MRAP2: variants seen among roughly 807,000 people sequenced by gnomAD.
MRAP2 encodes the protein melanocortin-2 receptor accessory protein 2.
MRAP2 carries 20 observed loss-of-function variants against 17.4 expected under a neutral mutation model. That is an observed-to-expected ratio of 1.15 (90% confidence interval 0.81 to 1.67). The LOEUF (loss-of-function observed/expected upper bound fraction) is 1.67. Ranked by LOEUF, MRAP2 falls within the 40% of genes most tolerant of loss-of-function variation. The pLI, the probability that MRAP2 is intolerant of heterozygous loss-of-function variation, is 0.00. For synonymous variants in MRAP2, 96 were observed against 88.4 expected (o/e 1.09, Z -0.48); for missense variants, 238 against 240.0 (o/e 0.99, Z 0.05).
the MRAP2 span, among the ~76,000 whole-genome samples, chr6:84,103,730 C>T: frequency 1.1e-4 from 16 of 152,190 alleles, no homozygotes; most frequent in African/African-American, 3.6e-4. Flanking sequence ...TTTCTATTAT[C>T]TGTCCTCTGT....
the MRAP2 span, among the ~76,000 whole-genome samples, chr6:84,143,917 T>C: frequency 6.6e-6 from 1 of 152,006 alleles, no homozygotes; most frequent in Non-Finnish European, 1.5e-5. Context: ...TCTCTATCAG[T>C]TCTTTGATTA....
intron 1 of MRAP2, among the ~76,000 whole-genome samples, chr6:84,048,971 C>A (rs2129161821): frequency 6.6e-6 from 1 of 152,300 alleles, no homozygotes; most frequent in South Asian, 2.1e-4. Flanking sequence ...GCAGTCGCAT[C>A]TCAGGGCCAT....
At chr6:84,056,214 TA>T (rs2099491678) in intron 2 of MRAP2, among the ~76,000 whole-genome samples, 1 of 152,240 alleles carries the variant, frequency 6.6e-6, no homozygotes, top group South Asian at 2.1e-4. Context: ...GTAAAATTTT[TA>T]TGCTCTTAAC....
chr6:84,047,766 C>T (rs769404537), intron 1 of MRAP2, among the ~76,000 whole-genome samples: 34 of 152,084 alleles, frequency 2.2e-4, no homozygotes, highest in Non-Finnish European at 3.8e-4. Flanking sequence ...TGGTTTTTGC[C>T]GTTAAAAGTA....
chr6:84,063,877 C>G (rs58069993), intron 3 of MRAP2, among the ~76,000 whole-genome samples: 1 of 151,808 alleles, frequency 6.6e-6, no homozygotes, highest in African/African-American at 2.4e-5. Context: ...AACCCCGTCT[C>G]TATTAAAAAT....
At position 84,062,768 on chromosome 6, in the gene MRAP2, C is replaced by T. The variant is rs569226296; in HGVS notation, c.128-125C>T. The T allele has an allele frequency of 3.3e-5, 50 of 1,496,226 alleles. 1 individual carries two copies. The highest frequency in any genetic ancestry group is 3.0e-4 in the East Asian group (12 of 39,496). 92.7% of individuals were successfully genotyped at this position (1,496,226 alleles called of 1,614,324 possible). ...CATCTTATCAGTCTCCAGCCAACTG[C>T]GGATCAGACTGTTGACTTCCTTTCA... On this transcript the variant is annotated intron_variant, in intron 2 of 3. Transcript: ENST00000257776.
chr6:84,132,555 T>C, the MRAP2 span, among the ~76,000 whole-genome samples: 6,677 of 152,242 alleles, frequency 0.044, 469 homozygotes, highest in African/African-American at 0.15. Context: ...TTTACTCTTT[T>C]TTCTCTAAAC....
chr6:84,113,843 A>C, the MRAP2 span, among the ~76,000 whole-genome samples: 1 of 152,180 alleles, frequency 6.6e-6, no homozygotes, highest in East Asian at 1.9e-4. Context: ...TTCACTTTTG[A>C]AGCTTAATTT....
the MRAP2 span, among the ~76,000 whole-genome samples, chr6:84,098,787 T>C: frequency 8.2e-4 from 125 of 152,284 alleles, no homozygotes; most frequent in African/African-American, 2.6e-3. Context: ...TTTGTCCCAT[T>C]GTTTTATTAG....
intron 1 of MRAP2, among the ~76,000 whole-genome samples, chr6:84,047,846 G>C (rs970830380): frequency 6.6e-6 from 1 of 152,154 alleles, no homozygotes; most frequent in Non-Finnish European, 1.5e-5. Flanking sequence ...GCTATTCTAG[G>C]TACCCTCATA....
intron 1 of MRAP2, among the ~76,000 whole-genome samples, chr6:84,043,313 A>G (rs1327243106): frequency 6.6e-6 from 1 of 152,208 alleles, no homozygotes; most frequent in Admixed American, 6.5e-5. Context: ...AGTCTGATGT[A>G]TACTTTCTTG....
the MRAP2 span, among the ~76,000 whole-genome samples, chr6:84,109,523 G>C: frequency 1.3e-5 from 2 of 152,010 alleles, no homozygotes; most frequent in Non-Finnish European, 2.9e-5. Flanking sequence ...CATTGATTTT[G>C]TATACCGAAG....
At chr6:84,086,352 T>A (rs138310506) in intron 3 of MRAP2, among the ~76,000 whole-genome samples, 1 of 152,218 alleles carries the variant, frequency 6.6e-6, no homozygotes, top group African/African-American at 2.4e-5. Flanking sequence ...AAGTATTTTT[T>A]TGTGCAAGGT....
At chr6:84,104,402 TAA>T in the MRAP2 span, among the ~76,000 whole-genome samples, 1 of 152,212 alleles carries the variant, frequency 6.6e-6, no homozygotes, top group African/African-American at 2.4e-5. Flanking sequence ...GGCTCCTCAT[TAA>T]TTATGCAAAT....
chr6:84,055,235 A>G, intron 1 of MRAP2, 77 bp from the exon 2 acceptor site: 1 of 1,513,798 alleles, frequency 6.6e-7, no homozygotes, highest in Admixed American at 2.3e-5. Flanking sequence ...CCTGAATGCG[A>G]TCAAGAGTAA....
chr6:84,133,722 T>C, the MRAP2 span, among the ~76,000 whole-genome samples: 3 of 152,120 alleles, frequency 2.0e-5, no homozygotes, highest in African/African-American at 7.2e-5. Context: ...AAAAGCACAG[T>C]ATTAGGGTGG....
chr6:84,131,934 C>T, the MRAP2 span, among the ~76,000 whole-genome samples: 1 of 152,270 alleles, frequency 6.6e-6, no homozygotes, highest in South Asian at 2.1e-4. Flanking sequence ...TTCTTCCTAG[C>T]ACTGATGGTC....
intron 1 of MRAP2, among the ~76,000 whole-genome samples, chr6:84,036,725 C>G (rs2099486116): frequency 6.6e-6 from 1 of 152,154 alleles, no homozygotes; most frequent in Admixed American, 6.5e-5. Flanking sequence ...TTATCTGACC[C>G]CACCCACATC....
intron 1 of MRAP2, among the ~76,000 whole-genome samples, chr6:84,035,212 T>A (rs2099485664): frequency 1.3e-5 from 2 of 152,158 alleles, no homozygotes; most frequent in Admixed American, 1.3e-4. Flanking sequence ...AAAACCCAAA[T>A]GGCAGACGTC....
Sources: allele counts gnomAD v4.1 joint callset (sites outside exome capture counted in the v4.1 genomes callset), GRCh38; gene constraint gnomAD v4.1.1; transcripts MANE v1.5; gene names NCBI Gene and HGNC (gene_info 2026-07-23, HGNC 2026-07-21).